Variants in QSOX1 observed in about 807,000 individuals in gnomAD.
QSOX1 encodes the protein quiescin sulfhydryl oxidase 1.
QSOX1 carries 40 observed loss-of-function variants against 76.1 expected under a neutral mutation model. The observed-to-expected ratio is 0.53, with a 90% confidence interval of 0.41 to 0.68. The LOEUF (loss-of-function observed/expected upper bound fraction) is 0.68. Ranked by LOEUF, QSOX1 falls within the 30% of genes least tolerant of loss-of-function variation. QSOX1 has a pLI of 0.00. For missense variants in QSOX1, 931 were observed against 974.3 expected (o/e 0.96, Z 0.59); for synonymous variants, 392 against 413.1 (o/e 0.95, Z 0.62).
intron 5 of QSOX1, among the ~76,000 whole-genome samples, chr1:180,179,554 G>T (rs1485459006): frequency 6.6e-6 from 1 of 152,242 alleles, no homozygotes; most frequent in African/African-American, 2.4e-5. Context: ...GCTTTATAAG[G>T]ATCCATTCCC....
chr1:180,197,365 G>A lies in QSOX1; in HGVS notation c.*328G>A. ...GAAGTCCTGCCTCATTCTCACTGGA[G>A]CCTCAGTCTCTCCTGCTTGGTCTTG... On this transcript the variant is annotated 3_prime_UTR_variant, in exon 12 of 12. Coordinates refer to ENST00000367602, the MANE Select transcript of QSOX1 (RefSeq NM_002826.5). 2 of 1,613,872 alleles carry A rather than the reference G, an allele frequency of 1.2e-6. No homozygotes were observed. The highest frequency in any genetic ancestry group is 2.2e-5 in the South Asian group (2 of 91,082).
chr1:180,173,929 T>C (rs3767183), intron 2 of QSOX1, among the ~76,000 whole-genome samples: 113,424 of 152,214 alleles, frequency 0.75, 44,573 homozygotes, highest in Non-Finnish European at 0.86. Context: ...GAGCAGTTGA[T>C]GCGTTGCCCA....
Position 180,190,412 on chromosome 1 carries a change from TCA to T in QSOX1, c.1141-17_1141-16del. The T allele has an allele frequency of 6.2e-7, 1 of 1,606,940 alleles. No homozygotes were observed. Among genetic ancestry groups the T allele is most frequent in the South Asian group, 1.1e-5 (1 of 90,886 alleles). ...TCCTTTTCCTTCTCCATATGTGCACTCACACTCATGTGTCCCTCAGGGTGCCG... is the reference window on the plus strand; with the variant it reads ...TCCTTTTCCTTCTCCATATGTGCACTCACTCATGTGTCCCTCAGGGTGCCG... On this transcript the variant is annotated intron_variant, in intron 9 of 11. Coordinates refer to ENST00000367602, the MANE Select transcript of QSOX1 (RefSeq NM_002826.5).
In QSOX1 at chr1:180,196,965, G is replaced by A; in HGVS notation, c.2172G>A (p.Leu724=). 6.2e-7 allele frequency: 1 copy of A among 1,611,322 alleles called. No homozygotes were observed. Reference sequence around the variant, plus strand: ...TCTATTCCCTGTCCTTCATGGGCCTGCTGGCCATGTACACCTACTTCCAGG... The same window carrying A: ...TCTATTCCCTGTCCTTCATGGGCCTACTGGCCATGTACACCTACTTCCAGG... ...VGLYSLSFMG[L]LAMYTYFQAK... is the part of the protein sequence containing the mutation. The change falls in exon 12 of 12, where the codon CTG becomes CTA. Residue 724 remains leucine, a synonymous_variant. Coordinates refer to ENST00000367602, the MANE Select transcript of QSOX1 (RefSeq NM_002826.5). This position sits in a 1 kb window ranked among gnomAD's most constrained non-coding sequence, Gnocchi z 4.1.
At chr1:180,168,154 G>A (rs1480023359) in intron 2 of QSOX1, among the ~76,000 whole-genome samples, 1 of 152,242 alleles carries the variant, frequency 6.6e-6, no homozygotes, top group Non-Finnish European at 1.5e-5. Context: ...TGAAGGAGGC[G>A]GCCTAGGCCC....
intron 5 of QSOX1, 57 bp downstream of exon 5, chr1:180,178,941 G>A: frequency 6.6e-7 from 1 of 1,505,324 alleles, no homozygotes. Context: ...GAGAGCCCCA[G>A]TTTGGGAGCA....
intron 1 of QSOX1, among the ~76,000 whole-genome samples, chr1:180,161,909 A>G (rs1024075599): frequency 6.6e-6 from 1 of 152,212 alleles, no homozygotes; most frequent in Non-Finnish European, 1.5e-5. Context: ...GGTACTTATC[A>G]GAGACGTTTC....
chr1:180,194,488 C>T, intron 11 of QSOX1, 96 bp downstream of exon 11: 1 of 1,196,156 alleles, frequency 8.4e-7, no homozygotes, highest in Non-Finnish European at 1.2e-6. Flanking sequence ...GGAAGGGACA[C>T]TCATTGTCCC....
rs746874636 is a variant in QSOX1, at chr1:180,186,100, TG to T, written c.936del (p.Arg313GlyfsTer2). ...CTGGAATCTGCACTGCACTACATCC[TG>T]CGGATAGAAGTGGGCAGGTTCCCGG... Reference protein sequence around the residue: ...ADLESALHYILRIEVGRFPVL... With the variant: ...ADLESALHYIXRIEVGRFPVL... On this transcript the variant is annotated frameshift_variant, in exon 8 of 12. Transcript: ENST00000367602. LOFTEE classifies it high-confidence loss of function. 1 of 1,614,110 alleles carries T rather than the reference TG, an allele frequency of 6.2e-7. No individual in the cohort carries two copies. The highest frequency in any genetic ancestry group is 1.7e-5 in the Admixed American group (1 of 60,022).
intron 2 of QSOX1, among the ~76,000 whole-genome samples, chr1:180,171,091 A>G (rs866600397): frequency 3.3e-5 from 5 of 152,222 alleles, no homozygotes; most frequent in African/African-American, 1.2e-4. Flanking sequence ...AAATGTTCAG[A>G]CCAGAACTGT....
At chr1:180,191,370 C>T (rs11589209) in intron 10 of QSOX1, among the ~76,000 whole-genome samples, 16,546 of 152,092 alleles carry the variant, frequency 0.11, 1,223 homozygotes, top group Middle Eastern at 0.21. Flanking sequence ...GGAAGGGGCC[C>T]GAGGCCTTAC....
rs148010106 is a variant in QSOX1, at chr1:180,178,579, A to G, written c.516-215A>G. Among the ~76,000 whole-genome samples, 164 of 152,310 alleles carry G rather than the reference A, an allele frequency of 1.1e-3. 1 individual carries two copies. The highest frequency in any genetic ancestry group is 3.6e-3 in the African/African-American group (148 of 41,580). On this transcript the variant is annotated intron_variant, in intron 4 of 11. Coordinates refer to ENST00000367602, the MANE Select transcript of QSOX1 (RefSeq NM_002826.5). ...GAAGCAAAAACAAAACCAAGCACCCAAGGTAGGTCAGATGAAGAGCCAGGG... is the reference window on the plus strand; with the variant it reads ...GAAGCAAAAACAAAACCAAGCACCCGAGGTAGGTCAGATGAAGAGCCAGGG...
rs528887910 is a variant in QSOX1 at position 180,155,918 on chromosome 1, T to C, written c.265+746T>C. On this transcript the variant is annotated intron_variant, in intron 1 of 11. Coordinates refer to ENST00000367602, the MANE Select transcript of QSOX1 (RefSeq NM_002826.5). ...TTGCTCCATGTTCCCAATCCCTGGT[T>C]GGGGCACCAAAACTATATTTCCTGA... is the stretch of plus-strand genomic sequence containing the variant. 1.1e-4 allele frequency among the ~76,000 whole-genome samples: 16 copies of C among 152,302 alleles called. No individual in the cohort carries two copies. In the South Asian group the frequency reaches 3.3e-3, roughly 32 times the overall value.
In QSOX1 at chr1:180,165,699, C is replaced by T. The variant is rs1048448295; in HGVS notation, c.266-792C>T. On this transcript the variant is annotated intron_variant, in intron 1 of 11. Coordinates refer to ENST00000367602, the MANE Select transcript of QSOX1 (RefSeq NM_002826.5). ...GCACCTTGGCTTCCAGCTGGAGCAG[C>T]CTCCATGTGGGTGGAACTTTGGTGG... Among the ~76,000 whole-genome samples the T allele has an allele frequency of 5.5e-4, 83 of 152,232 alleles. 1 individual carries two copies. Among genetic ancestry groups the T allele is most frequent in the African/African-American group, 1.9e-3 (77 of 41,466 alleles).
rs1316523099 is a variant in QSOX1 at position 180,200,825 on chromosome 1, C to T, written c.*3788C>T. On this transcript the variant is annotated 3_prime_UTR_variant, in exon 12 of 12. Coordinates refer to ENST00000367602, the MANE Select transcript of QSOX1 (RefSeq NM_002826.5). ...TAACACATGTGATTCTGTTTCATGT[C>T]CTGTTCCATCGGTAGAGTTACACAC... 1 of 152,224 alleles carries T rather than the reference C, an allele frequency of 6.6e-6. No homozygotes were observed. The highest frequency in any genetic ancestry group is 1.5e-5 in the Non-Finnish European group (1 of 68,056). 9.4% of individuals were successfully genotyped at this position (152,224 alleles called of 1,614,324 possible). A position where few individuals can be genotyped will look rare whatever the true frequency, so the allele number is the denominator to read the frequency against.
intron 1 of QSOX1, among the ~76,000 whole-genome samples, chr1:180,165,703 C>T (rs886658378): frequency 6.6e-6 from 1 of 152,250 alleles, no homozygotes; most frequent in African/African-American, 2.4e-5. Context: ...GAGCAGCCTC[C>T]ATGTGGGTGG....
At chr1:180,169,183 C>G (rs3820308) in intron 2 of QSOX1, among the ~76,000 whole-genome samples, 1 of 152,110 alleles carries the variant, frequency 6.6e-6, no homozygotes, top group African/African-American at 2.4e-5. Flanking sequence ...GAAACAAAGG[C>G]GTGGGAGAGG....
Position 180,178,721 on chromosome 1 carries a change from G to T in QSOX1, c.516-73G>T, listed in dbSNP as rs1463097788. On this transcript the variant is annotated intron_variant, in intron 4 of 11. Coordinates refer to ENST00000367602, the MANE Select transcript of QSOX1 (RefSeq NM_002826.5). ...ATACCTGCAGCACTGCATCACCAGC[G>T]TCTGGCGTTGCCAGCGGTTTTGTCT... 3.0e-6 allele frequency: 4 copies of T among 1,349,636 alleles called. No homozygotes were observed. The East Asian group carries it at 9.2e-5, about 31-fold the overall frequency. 83.6% of individuals were successfully genotyped at this position (1,349,636 alleles called of 1,614,324 possible).
At chr1:180,179,375 A>G (rs527394579) in intron 5 of QSOX1, among the ~76,000 whole-genome samples, 1 of 152,330 alleles carries the variant, frequency 6.6e-6, no homozygotes, top group South Asian at 2.1e-4. Context: ...CTTTACCCAG[A>G]TGCCGGTCTG....
Sources: gnomAD v4.1 joint callset for allele counts (sites outside exome capture counted in the v4.1 genomes callset) on GRCh38, gnomAD v4.1.1 for gene constraint, Gnocchi (gnomAD v3.1) non-coding constraint, MANE v1.5 for transcripts, NCBI Gene and HGNC (gene_info 2026-07-23, HGNC 2026-07-21) for gene names.